The following THRB variants were observed in gnomAD, a reference collection of about 807,000 sequenced individuals.
The protein encoded by THRB is nuclear receptor subfamily 1 group A member 2.
In THRB, 12 loss-of-function variants were observed where a neutral mutation model predicts 47.8. That is an observed-to-expected ratio of 0.25 (90% CI 0.16 to 0.41). The LOEUF (loss-of-function observed/expected upper bound fraction) is 0.41, where lower values mean the gene tolerates loss of function less well. THRB is among the 10% of genes least tolerant of loss of function. The probability of loss-of-function intolerance (pLI) is 1.00; values close to 1 mark genes in which losing one functional copy is unlikely to be tolerated. For synonymous variants in THRB, 218 were observed against 212.2 expected (o/e 1.03, Z -0.24); for missense variants, 348 against 589.2 (o/e 0.59, Z 4.24).
At chr3:24,206,012 T>C (rs1309252552) in intron 4 of THRB, among the ~76,000 whole-genome samples, 4 of 152,124 alleles carry the variant, frequency 2.6e-5, no homozygotes, top group Non-Finnish European at 4.4e-5. Context: ...AAGTCCTTAG[T>C]GACCTACAAA....
chr3:24,295,262 T>C (rs762777453), intron 3 of THRB, among the ~76,000 whole-genome samples: 9 of 152,228 alleles, frequency 5.9e-5, no homozygotes, highest in Admixed American at 2.6e-4. Context: ...TATCTAAAGA[T>C]GGTAAGTGAT....
At chr3:24,475,723 A>G (rs1695354998) in intron 1 of THRB, among the ~76,000 whole-genome samples, 1 of 152,204 alleles carries the variant, frequency 6.6e-6, no homozygotes, top group Non-Finnish European at 1.5e-5. Context: ...CAAGCAAATT[A>G]TTTTAAAATT....
intron 4 of THRB, among the ~76,000 whole-genome samples, chr3:24,199,587 T>G (rs2149708658): frequency 6.6e-6 from 1 of 152,300 alleles, no homozygotes; most frequent in Middle Eastern, 3.4e-3. Flanking sequence ...TCCTGTATAT[T>G]CCATTAGGCA....
intron 1 of THRB, among the ~76,000 whole-genome samples, chr3:24,356,645 C>G (rs2149592457): frequency 6.6e-6 from 1 of 152,262 alleles, no homozygotes; most frequent in Middle Eastern, 3.4e-3. Context: ...CTTCCAGCCT[C>G]TACCCCTTAC....
At chr3:24,430,703 A>G (rs1380173528) in intron 1 of THRB, 2 of 152,102 alleles carry the variant, frequency 1.3e-5, no homozygotes, top group Non-Finnish European at 2.9e-5. Context: ...ACCATAAAAG[A>G]AGAAATTGAC....
chr3:24,189,608 A>C (rs1478315995), intron 5 of THRB, among the ~76,000 whole-genome samples: 2 of 152,212 alleles, frequency 1.3e-5, no homozygotes, highest in Non-Finnish European at 2.9e-5. Context: ...AGTAGAAGAC[A>C]ACAACTTAAA....
intron 3 of THRB, among the ~76,000 whole-genome samples, chr3:24,261,462 G>A (rs1257893120): frequency 7.5e-6 from 1 of 133,316 alleles, no homozygotes; most frequent in African/African-American, 2.9e-5. Context: ...TCGTGCCACT[G>A]CACTCCAGCC....
intron 2 of THRB, among the ~76,000 whole-genome samples, chr3:24,301,370 A>T (rs908134840): frequency 1.3e-5 from 2 of 152,180 alleles, no homozygotes; most frequent in African/African-American, 4.8e-5. Flanking sequence ...GGTTTTAATG[A>T]TCATTTGAAT....
chr3:24,448,462 T>C (rs2072318937), intron 1 of THRB, among the ~76,000 whole-genome samples: 1 of 152,218 alleles, frequency 6.6e-6, no homozygotes, highest in South Asian at 2.1e-4. Context: ...TAAACATTTT[T>C]TCAGAGGCAC....
At chr3:24,448,388 A>G (rs1467156007) in intron 1 of THRB, among the ~76,000 whole-genome samples, 1 of 152,242 alleles carries the variant, frequency 6.6e-6, no homozygotes, top group Admixed American at 6.5e-5. Context: ...TAATGATACC[A>G]AAAGAGGTTA....
intron 2 of THRB, among the ~76,000 whole-genome samples, chr3:24,298,011 A>G (rs573605138): frequency 6.6e-6 from 1 of 152,288 alleles, no homozygotes; most frequent in Non-Finnish European, 1.5e-5. Flanking sequence ...GTTACTTTCT[A>G]ATAAACTCTT....
intron 1 of THRB, among the ~76,000 whole-genome samples, chr3:24,459,750 T>C (rs2073530358): frequency 6.6e-6 from 1 of 152,208 alleles, no homozygotes; most frequent in African/African-American, 2.4e-5. Context: ...GTTGGCTGCA[T>C]AAATGTCTTC....
Position 24,122,762 on chromosome 3 carries a change from C to A in THRB, c.*122G>T. 7.0e-7 allele frequency: 1 copy of A among 1,421,942 alleles called. No homozygotes were observed. The highest frequency in any genetic ancestry group is 9.9e-7 in the Non-Finnish European group (1 of 1,012,954). 88.1% of individuals were successfully genotyped at this position (1,421,942 alleles called of 1,614,324 possible). On this transcript the variant is annotated 3_prime_UTR_variant, in exon 11 of 11. Transcript: ENST00000646209. ...TCATCCATGTCTATGCCAAGGACTACTTCCCTTTTCCCTCCCAAATAATCC... is the reference window on the plus strand; with the variant it reads ...TCATCCATGTCTATGCCAAGGACTAATTCCCTTTTCCCTCCCAAATAATCC...
intron 2 of THRB, among the ~76,000 whole-genome samples, chr3:24,304,349 A>G (rs1162763152): frequency 2.0e-5 from 3 of 152,196 alleles, no homozygotes; most frequent in Non-Finnish European, 4.4e-5. Flanking sequence ...TTAGATCGTA[A>G]GCAAATAAAA....
chr3:24,352,696 G>A (rs369177646), intron 1 of THRB, among the ~76,000 whole-genome samples: 1 of 152,110 alleles, frequency 6.6e-6, no homozygotes, highest in South Asian at 2.1e-4. Context: ...TAAACAGCAG[G>A]ATGAAAAACT....
chr3:24,361,679 A>G (rs1384761246), intron 1 of THRB, among the ~76,000 whole-genome samples: 1 of 152,168 alleles, frequency 6.6e-6, no homozygotes, highest in African/African-American at 2.4e-5. Flanking sequence ...AAATTTTCCC[A>G]TCTGGTTTCT....
rs537922567 is a variant in THRB, at chr3:24,118,859, C to T, written c.*4025G>A. 7 of 152,546 alleles carry T rather than the reference C, an allele frequency of 4.6e-5. No homozygotes were observed. The highest frequency in any genetic ancestry group is 3.9e-4 in the East Asian group (2 of 5,180). 9.4% of individuals were successfully genotyped at this position (152,546 alleles called of 1,614,324 possible). On this transcript the variant is annotated 3_prime_UTR_variant, in exon 11 of 11. Coordinates refer to ENST00000646209, the MANE Select transcript of THRB (RefSeq NM_001354712.2). The stretch of plus-strand genomic sequence containing the variant: ...ACCTGCACAATATTGCTCTTGAAGG[C>T]GGCATTAATTAATGTGGAAACACAC...
At chr3:24,393,730 C>T (rs184431291) in intron 1 of THRB, among the ~76,000 whole-genome samples, 1 of 152,222 alleles carries the variant, frequency 6.6e-6, no homozygotes, top group Non-Finnish European at 1.5e-5. Flanking sequence ...CTTAAGGTGG[C>T]AGGAAGACCC....
intron 3 of THRB, among the ~76,000 whole-genome samples, chr3:24,290,914 C>T (rs2055857857): frequency 6.6e-6 from 1 of 152,162 alleles, no homozygotes; most frequent in African/African-American, 2.4e-5. Context: ...ATCTGTTACT[C>T]AAGTAAGATG....
Sources: allele counts gnomAD v4.1 joint callset (sites outside exome capture counted in the v4.1 genomes callset), GRCh38; gene constraint gnomAD v4.1.1; transcripts MANE v1.5; gene names NCBI Gene and HGNC (gene_info 2026-07-23, HGNC 2026-07-21).